TRIM8: variants seen among roughly 807,000 people sequenced by gnomAD.
TRIM8 encodes tripartite motif containing 8, also known as E3 ubiquitin-protein ligase TRIM8.
Under a neutral mutation model 55.7 loss-of-function variants are expected in TRIM8, and 9 were observed. The ratio of observed to expected loss-of-function variants is 0.16; its 90% confidence interval spans 0.10 to 0.28. The LOEUF is 0.28. TRIM8 is among the 10% of genes least tolerant of loss of function. The pLI is 1.00. For missense variants in TRIM8, 556 were observed against 736.4 expected, an observed-to-expected ratio of 0.76 and a Z score of 2.83; for synonymous variants, 335 against 333.3, an observed-to-expected ratio of 1.01 and a Z score of -0.06.
chr10:102,656,002 C>T lies in TRIM8; in HGVS notation c.901-104C>T, dbSNP rs189835139. 1.3e-4 allele frequency: 202 copies of T among 1,552,254 alleles called. 2 individuals are homozygous for T. In the East Asian group the frequency reaches 4.1e-3, roughly 32 times the overall value. On this transcript the variant is annotated intron_variant, in intron 3 of 5. Coordinates refer to ENST00000643721, the MANE Select transcript of TRIM8 (RefSeq NM_030912.3). This position sits in a 1 kb window ranked among gnomAD's most constrained non-coding sequence, Gnocchi z 4.6. ...TCTGTCCAGAATGAGAGGATCCACC[C>T]AGCCTGGGGGAGGCTCAGGGGGGGC...
intron 1 of TRIM8, among the ~76,000 whole-genome samples, chr10:102,652,416 G>C (rs1235368565): frequency 2.0e-5 from 3 of 152,192 alleles, no homozygotes; most frequent in African/African-American, 7.2e-5. Context: ...CCCCACAGAG[G>C]AAGAAAGAGA....
intron 1 of TRIM8, 37 bp from the exon 2 acceptor site, chr10:102,654,616 C>A: frequency 6.6e-7 from 1 of 1,518,132 alleles, no homozygotes; most frequent in Non-Finnish European, 9.2e-7. Context: ...GTTGGAGCCA[C>A]AGTCCCTCTG....
At chr10:102,654,980 G>A (rs1477001219) in intron 2 of TRIM8, 100 bp from the exon 3 acceptor site, 2 of 1,377,378 alleles carry the variant, frequency 1.5e-6, no homozygotes, top group Non-Finnish European at 2.0e-6. Context: ...GGGGCAGCCT[G>A]GTGACTTAGG....
intron 1 of TRIM8, among the ~76,000 whole-genome samples, chr10:102,651,452 G>A (rs2135980325): frequency 6.6e-6 from 1 of 152,332 alleles, no homozygotes; most frequent in East Asian, 1.9e-4. Context: ...CTGCGGGGTG[G>A]GTGTGGACAG....
intron 1 of TRIM8, among the ~76,000 whole-genome samples, chr10:102,646,865 A>T (rs1322390373): frequency 6.6e-6 from 1 of 152,196 alleles, no homozygotes; most frequent in African/African-American, 2.4e-5. Context: ...TGAAAGGAAC[A>T]GGGGAGGGGC....
chr10:102,648,116 TC>T (rs1181383147), intron 1 of TRIM8, among the ~76,000 whole-genome samples: 1 of 152,124 alleles, frequency 6.6e-6, no homozygotes, highest in Non-Finnish European at 1.5e-5. Flanking sequence ...AAATGTGCTC[TC>T]CCATGAGGCT....
At chr10:102,645,454 A>G in intron 1 of TRIM8, 2 of 377,258 alleles carry the variant, frequency 5.3e-6, no homozygotes, top group Non-Finnish European at 9.6e-6. Flanking sequence ...CGTCAGGGGT[A>G]GAGTCTGGGT....
At chr10:102,653,406 G>A (rs1001087730) in intron 1 of TRIM8, 5 of 152,530 alleles carry the variant, frequency 3.3e-5, no homozygotes, top group Admixed American at 6.5e-5. Flanking sequence ...AGCCCAGCTG[G>A]CTGGAAGAGT....
chr10:102,654,769 G>A (rs752744495), intron 2 of TRIM8, 21 bp downstream of exon 2: 4 of 1,590,292 alleles, frequency 2.5e-6, no homozygotes, highest in Non-Finnish European at 3.5e-6. Context: ...CCAAGGCCAT[G>A]CTGCGGGGTG....
chr10:102,651,813 G>A (rs1037938225), intron 1 of TRIM8, among the ~76,000 whole-genome samples: 3 of 152,220 alleles, frequency 2.0e-5, no homozygotes, highest in Non-Finnish European at 4.4e-5. Context: ...CCTCGCCATC[G>A]TGCCAGGCCT....
chr10:102,654,620 C>T (rs778731568), intron 1 of TRIM8, 33 bp from the exon 2 acceptor site: 3 of 1,535,018 alleles, frequency 2.0e-6, no homozygotes, highest in Non-Finnish European at 2.7e-6. Context: ...GAGCCACAGT[C>T]CCTCTGATAC....
At position 102,654,772 on chromosome 10, in the gene TRIM8, G is replaced by T. The variant is rs202133772; in HGVS notation, c.666+24G>T. The T allele has an allele frequency of 1.9e-6, 3 of 1,580,476 alleles. No individual in the cohort carries two copies. In the East Asian group the frequency reaches 6.7e-5, roughly 35 times the overall value. ...AGGTAGCTAAGCCCAAGGCCATGCT[G>T]CGGGGTGGGGGTGGCTTGAGCGCAG... On this transcript the variant is annotated intron_variant, in intron 2 of 5. Transcript: ENST00000643721.
chr10:102,650,045 G>A (rs1335227066), intron 1 of TRIM8, among the ~76,000 whole-genome samples: 1 of 52,580 alleles, frequency 1.9e-5, no homozygotes, highest in Non-Finnish European at 4.2e-5. Flanking sequence ...CACCACAGGG[G>A]CTTCTGGAGC....
intron 1 of TRIM8, among the ~76,000 whole-genome samples, chr10:102,652,829 C>G (rs1012813132): frequency 6.8e-6 from 1 of 147,322 alleles, no homozygotes; most frequent in African/African-American, 2.5e-5. Context: ...TTGAGACAGA[C>G]TTTCGCTCTT....
At chr10:102,654,997 G>C in intron 2 of TRIM8, 83 bp from the exon 3 acceptor site, 4 of 1,489,494 alleles carry the variant, frequency 2.7e-6, no homozygotes, top group Non-Finnish European at 3.7e-6. Flanking sequence ...TAGGGTTCTA[G>C]GATGTGAGAA....
chr10:102,656,026 G>T lies in TRIM8; in HGVS notation c.901-80G>T. 5 of 1,606,018 alleles carry T rather than the reference G, an allele frequency of 3.1e-6. No homozygotes were observed. Among genetic ancestry groups the T allele is most frequent in the Non-Finnish European group, 4.3e-6 (5 of 1,172,914 alleles). ...CCAGCCTGGGGGAGGCTCAGGGGGG[G>T]CAGCTTTTGTCTTCCCCTCTCCCCG... On this transcript the variant is annotated intron_variant, in intron 3 of 5. Coordinates refer to ENST00000643721, the MANE Select transcript of TRIM8 (RefSeq NM_030912.3). This position sits in a 1 kb window ranked among gnomAD's most constrained non-coding sequence, Gnocchi z 4.6.
intron 1 of TRIM8, chr10:102,649,285 C>T (rs536892971): frequency 5.9e-5 from 9 of 152,520 alleles, no homozygotes; most frequent in Non-Finnish European, 1.2e-4. Context: ...TCAGGTGATC[C>T]TTGCTTGGTG....
chr10:102,648,785 G>T (rs745686507), intron 1 of TRIM8, among the ~76,000 whole-genome samples: 1 of 152,198 alleles, frequency 6.6e-6, no homozygotes, highest in Non-Finnish European at 1.5e-5. Flanking sequence ...GTGTGTGTTT[G>T]TGTGCACGCA....
Position 102,656,201 on chromosome 10 carries a change from T to C in TRIM8, c.932+64T>C. The C allele has an allele frequency of 6.2e-7, 1 of 1,614,044 alleles. No homozygotes were observed. The highest frequency in any genetic ancestry group is 8.5e-7 in the Non-Finnish European group (1 of 1,179,988). ...GGGGAGGGCAGGGGGGCCAGGCCCA[T>C]GGCGGGGAGGTAGGGCGGGCTCACC... On this transcript the variant is annotated intron_variant, in intron 4 of 5. Coordinates refer to ENST00000643721, the MANE Select transcript of TRIM8 (RefSeq NM_030912.3). This position sits in a 1 kb window ranked among gnomAD's most constrained non-coding sequence, Gnocchi z 4.6.
Sources: gnomAD v4.1 joint callset for allele counts (sites outside exome capture counted in the v4.1 genomes callset) on GRCh38, gnomAD v4.1.1 for gene constraint, Gnocchi (gnomAD v3.1) non-coding constraint, MANE v1.5 for transcripts, NCBI Gene and HGNC (gene_info 2026-07-23, HGNC 2026-07-21) for gene names.